The following CADM1 variants were observed in gnomAD, a reference collection of about 807,000 sequenced individuals.
The protein encoded by CADM1 is cell adhesion molecule 1.
Under a neutral mutation model 53.1 loss-of-function variants are expected in CADM1, and 15 were observed. That is an observed-to-expected ratio of 0.28 (90% CI 0.19 to 0.44). The LOEUF is 0.44. Ranked by LOEUF, CADM1 falls within the 20% of genes least tolerant of loss-of-function variation. The pLI, the probability that CADM1 is intolerant of heterozygous loss-of-function variation, is 1.00. For synonymous variants in CADM1, 281 were observed against 243.0 expected (o/e 1.16, Z -1.45); for missense variants, 434 against 611.3 (o/e 0.71, Z 3.06).
chr11:115,287,299 G>A (rs1306538438), intron 1 of CADM1: 2 of 152,202 alleles, frequency 1.3e-5, no homozygotes, highest in South Asian at 2.1e-4. Context: ...TTCATTATTA[G>A]TTGCTGTTAT....
intron 1 of CADM1, among the ~76,000 whole-genome samples, chr11:115,436,496 G>A (rs571006165): frequency 1.2e-3 from 176 of 152,194 alleles, no homozygotes; most frequent in African/African-American, 3.8e-3. Flanking sequence ...TATGTTCCAC[G>A]TTCCCTTGTC....
In CADM1 at chr11:115,448,134, TC is replaced by T. The variant is rs563861502; in HGVS notation, c.124+56136del. Among the ~76,000 whole-genome samples the T allele has an allele frequency of 4.5e-3, 684 of 152,260 alleles. 4 individuals are homozygous for T. The highest frequency in any genetic ancestry group is 7.5e-3 in the Non-Finnish European group (512 of 68,010). Reference sequence around the variant, plus strand: ...TAGACCAGTGCCTGGCATACAGTATTCCATAAACAGCACATATCATAAGAAT... The same window carrying T: ...TAGACCAGTGCCTGGCATACAGTATTCATAAACAGCACATATCATAAGAAT... On this transcript the variant is annotated intron_variant, in intron 1 of 11. Coordinates refer to ENST00000331581, the MANE Select transcript of CADM1 (RefSeq NM_001301043.2).
Position 115,504,414 on chromosome 11 carries a change from C to T in CADM1, c.-20G>A. The T allele has an allele frequency of 3.9e-6, 6 of 1,542,542 alleles. No homozygotes were observed. Among genetic ancestry groups the T allele is most frequent in the Non-Finnish European group, 5.2e-6 (6 of 1,145,440 alleles). ...CGCCATGTCGGGCACCTGCCTCAGA[C>T]TGGCGGCGTTGGCTGCCTCCGGAGC... On this transcript the variant is annotated 5_prime_UTR_variant, in exon 1 of 12. Transcript: ENST00000331581.
chr11:115,450,862 A>G (rs1246701776), intron 1 of CADM1, among the ~76,000 whole-genome samples: 1 of 152,178 alleles, frequency 6.6e-6, no homozygotes, highest in East Asian at 1.9e-4. Flanking sequence ...AAAAGAACTT[A>G]AGGGACTATG....
chr11:115,236,228 G>A (rs1942005826), intron 3 of CADM1, among the ~76,000 whole-genome samples: 1 of 152,186 alleles, frequency 6.6e-6, no homozygotes, highest in Non-Finnish European at 1.5e-5. Flanking sequence ...CAACGAAGAT[G>A]CTACTGTCAT....
At chr11:115,241,855 A>C (rs530752084) in intron 1 of CADM1, among the ~76,000 whole-genome samples, 56 of 152,304 alleles carry the variant, frequency 3.7e-4, no homozygotes, top group Non-Finnish European at 7.3e-4. Flanking sequence ...ACATAAAGAA[A>C]CAAAGGTCAA....
At chr11:115,467,067 T>G (rs903616464) in intron 1 of CADM1, among the ~76,000 whole-genome samples, 1 of 152,190 alleles carries the variant, frequency 6.6e-6, no homozygotes, top group Non-Finnish European at 1.5e-5. Flanking sequence ...AATGCATTAG[T>G]TATAAATAAA....
chr11:115,366,446 G>A (rs1239144052), intron 1 of CADM1, among the ~76,000 whole-genome samples: 1 of 152,206 alleles, frequency 6.6e-6, no homozygotes, highest in Non-Finnish European at 1.5e-5. Context: ...TTGTAAGGTT[G>A]TAAAGAGGCT....
chr11:115,460,166 T>C (rs1009541106), intron 1 of CADM1, among the ~76,000 whole-genome samples: 3 of 151,972 alleles, frequency 2.0e-5, no homozygotes, highest in African/African-American at 4.8e-5. Context: ...AGCTTCTCAG[T>C]CTTACTTCTG....
chr11:115,500,512 G>A (rs1338664710), intron 1 of CADM1, among the ~76,000 whole-genome samples: 1 of 152,114 alleles, frequency 6.6e-6, no homozygotes, highest in African/African-American at 2.4e-5. Context: ...TACCAGGTGT[G>A]GGAAAAAGTC....
At chr11:115,365,446 C>T (rs1946132610) in intron 1 of CADM1, among the ~76,000 whole-genome samples, 2 of 151,824 alleles carry the variant, frequency 1.3e-5, no homozygotes, top group South Asian at 4.2e-4. Context: ...TTTAGAGAGA[C>T]AGAGATTGAA....
chr11:115,231,921 G>A (rs1459180411), intron 3 of CADM1, among the ~76,000 whole-genome samples: 2 of 152,124 alleles, frequency 1.3e-5, no homozygotes, highest in African/African-American at 4.8e-5. Context: ...GGGAGGCGGA[G>A]GTTACAGTGA....
intron 1 of CADM1, among the ~76,000 whole-genome samples, chr11:115,373,735 T>G (rs1665691432): frequency 6.6e-6 from 1 of 152,078 alleles, no homozygotes; most frequent in South Asian, 2.1e-4. Context: ...TCAGTGGTTC[T>G]CATCCTTGGG....
intron 1 of CADM1, among the ~76,000 whole-genome samples, chr11:115,423,593 T>C (rs1373842345): frequency 6.6e-6 from 1 of 152,216 alleles, no homozygotes; most frequent in Non-Finnish European, 1.5e-5. Flanking sequence ...GAATATGCTT[T>C]CTTTATCCTT....
At chr11:115,434,832 CTAAGTA>C (rs1383217114) in intron 1 of CADM1, among the ~76,000 whole-genome samples, 2 of 149,238 alleles carry the variant, frequency 1.3e-5, no homozygotes, top group Non-Finnish European at 3.0e-5. Flanking sequence ...TATCAGTTCT[CTAAGTA>C]TTTTATTTTA....
At chr11:115,380,501 A>G (rs987197305) in intron 1 of CADM1, among the ~76,000 whole-genome samples, 2 of 152,208 alleles carry the variant, frequency 1.3e-5, no homozygotes, top group African/African-American at 4.8e-5. Context: ...ATTTAAGGGG[A>G]AATAGAAAAT....
intron 1 of CADM1, among the ~76,000 whole-genome samples, chr11:115,420,868 C>T (rs897560001): frequency 6.6e-6 from 1 of 152,178 alleles, no homozygotes; most frequent in African/African-American, 2.4e-5. Context: ...AATCGTCTTA[C>T]ACTGGTTCTT....
At position 115,223,842 on chromosome 11, in the gene CADM1, A is replaced by G. The variant is rs923524920; in HGVS notation, c.721+5271T>C. Among the ~76,000 whole-genome samples, 7 of 152,134 alleles carry G rather than the reference A, an allele frequency of 4.6e-5. No homozygotes were observed. In the East Asian group the frequency reaches 1.4e-3, roughly 29 times the overall value. On this transcript the variant is annotated intron_variant, in intron 5 of 11. Transcript: ENST00000331581. Reference sequence around the variant, plus strand: ...AAATTAGCTTCAATCGGGGTTCTTCATTCCTTGATTATTTCTCATAAGGAA... The same window carrying G: ...AAATTAGCTTCAATCGGGGTTCTTCGTTCCTTGATTATTTCTCATAAGGAA...
In CADM1 at chr11:115,186,284, C is replaced by T. The variant is rs115740385; in HGVS notation, c.1165+4604G>A. Among the ~76,000 whole-genome samples the T allele has an allele frequency of 6.8e-3, 1,028 of 152,204 alleles. 17 individuals carry two copies. Among genetic ancestry groups the T allele is most frequent in the African/African-American group, 0.023 (937 of 41,514 alleles). On this transcript the variant is annotated intron_variant, in intron 10 of 11. Coordinates refer to ENST00000331581, the MANE Select transcript of CADM1 (RefSeq NM_001301043.2). ...CCATAATTTAGGGGAATCAGTGGGA[C>T]AACAGTACTAAACTACTGAAGCAGA...
Sources: gnomAD v4.1 joint callset for allele counts (sites outside exome capture counted in the v4.1 genomes callset) on GRCh38, gnomAD v4.1.1 for gene constraint, MANE v1.5 for transcripts, NCBI Gene and HGNC (gene_info 2026-07-23, HGNC 2026-07-21) for gene names.